The following ATG5 variants were observed in gnomAD, a reference collection of about 807,000 sequenced individuals.
ATG5 encodes autophagy protein 5.
Under a neutral mutation model 36.5 loss-of-function variants are expected in ATG5, and 14 were observed. The observed-to-expected ratio is 0.38, with a 90% CI of 0.25 to 0.60. The LOEUF is 0.60. Among genes scored for constraint, ATG5 ranks in the 20% least tolerant of loss-of-function variants. The pLI, the probability that ATG5 is intolerant of heterozygous loss-of-function variation, is 0.60. For missense variants in ATG5, 195 were observed against 326.7 expected (o/e 0.60, Z 3.11); for synonymous variants, 95 against 101.5 (o/e 0.94, Z 0.38).
chr6:106,307,158 T>G (rs1406604151), intron 3 of ATG5, among the ~76,000 whole-genome samples: 1 of 152,232 alleles, frequency 6.6e-6, no homozygotes, highest in Non-Finnish European at 1.5e-5. Flanking sequence ...AGTCCTTTGA[T>G]TCACATCAGC....
chr6:106,222,383 T>A (rs576764931), intron 6 of ATG5, among the ~76,000 whole-genome samples: 2 of 152,266 alleles, frequency 1.3e-5, no homozygotes, highest in African/African-American at 2.4e-5. Flanking sequence ...CATGTTTTAA[T>A]GTGATCACTA....
intron 2 of ATG5, among the ~76,000 whole-genome samples, chr6:106,312,532 G>A (rs1481106312): frequency 6.6e-6 from 1 of 151,534 alleles, no homozygotes; most frequent in Non-Finnish European, 1.5e-5. Context: ...ACTCCAGGGG[G>A]TAAAAAGTGA....
intron 2 of ATG5, among the ~76,000 whole-genome samples, chr6:106,310,691 C>G (rs192260660): frequency 3.3e-5 from 5 of 152,112 alleles, no homozygotes; most frequent in African/African-American, 1.2e-4. Flanking sequence ...ACGTATTAAA[C>G]AGTAGCTCCC....
chr6:106,251,950 C>G (rs1166402172), intron 5 of ATG5, among the ~76,000 whole-genome samples: 2 of 151,968 alleles, frequency 1.3e-5, no homozygotes, highest in African/African-American at 4.8e-5. Flanking sequence ...AAGAGGTTCT[C>G]CCACCTCAGC....
At chr6:106,297,231 C>T (rs1289754163) in intron 3 of ATG5, among the ~76,000 whole-genome samples, 1 of 152,060 alleles carries the variant, frequency 6.6e-6, no homozygotes, top group East Asian at 1.9e-4. Flanking sequence ...ACTAAAAGAA[C>T]ATGTGACAAT....
Position 106,293,200 on chromosome 6 carries a change from T to C in ATG5, c.237-94A>G, listed in dbSNP as rs901333583. 9.5e-6 allele frequency: 9 copies of C among 947,208 alleles called. No homozygotes were observed. The African/African-American group carries it at 9.9e-5, about 10-fold the overall frequency. The allele number at this position is 947,208 out of a possible 1,614,324, so 58.7% of individuals were successfully genotyped here. On this transcript the variant is annotated intron_variant, in intron 3 of 7. Coordinates refer to ENST00000369076, the MANE Select transcript of ATG5 (RefSeq NM_004849.4). Reference sequence around the variant, plus strand: ...TTCCAACACATATTTTAACACCAAATGTCAGGGGCTTTAATCACAAATCAC... The same window carrying C: ...TTCCAACACATATTTTAACACCAAACGTCAGGGGCTTTAATCACAAATCAC...
intron 5 of ATG5, among the ~76,000 whole-genome samples, chr6:106,269,970 G>C (rs528001730): frequency 4.7e-4 from 72 of 152,334 alleles, no homozygotes; most frequent in Middle Eastern, 3.4e-3. Context: ...CCTCTCATTA[G>C]TATAATCTGT....
chr6:106,220,023 C>CT lies in ATG5; in HGVS notation c.574-17935dup, dbSNP rs529915154. 1.7e-3 allele frequency among the ~76,000 whole-genome samples: 266 copies of CT among 152,144 alleles called. 2 individuals carry two copies. Among genetic ancestry groups the CT allele is most frequent in the African/African-American group, 6.1e-3 (255 of 41,532 alleles). On this transcript the variant is annotated intron_variant, in intron 6 of 7. Coordinates refer to ENST00000369076, the MANE Select transcript of ATG5 (RefSeq NM_004849.4). ...ATTGACCCTCCTTTAAATTGATAGCCTTTTTTTAAAAAGCTAACCATTGAG... is the reference window on the plus strand; with the variant it reads ...ATTGACCCTCCTTTAAATTGATAGCCTTTTTTTTAAAAAGCTAACCATTGAG...
intron 2 of ATG5, among the ~76,000 whole-genome samples, chr6:106,310,728 AACC>A (rs1260572029): frequency 6.6e-6 from 1 of 152,140 alleles, no homozygotes; most frequent in Non-Finnish European, 1.5e-5. Context: ...AGCTCCCAGT[AACC>A]ACCATTTTAC....
At chr6:106,285,084 GCT>G (rs1780025550) in intron 4 of ATG5, among the ~76,000 whole-genome samples, 3 of 152,032 alleles carry the variant, frequency 2.0e-5, no homozygotes, top group Non-Finnish European at 4.4e-5. Flanking sequence ...TATCCCAGAG[GCT>G]CTGTTTTTCC....
Position 106,186,342 on chromosome 6 carries a change from G to GT in ATG5, c.*197dup, listed in dbSNP as rs1412056743. The GT allele has an allele frequency of 1.8e-6, 1 of 550,280 alleles. No individual in the cohort carries two copies. Among genetic ancestry groups the GT allele is most frequent in the Non-Finnish European group, 3.2e-6 (1 of 317,346 alleles). 34.1% of individuals were successfully genotyped at this position (550,280 alleles called of 1,614,324 possible). A position where few individuals can be genotyped will look rare whatever the true frequency, so the allele number is the denominator to read the frequency against. On this transcript the variant is annotated 3_prime_UTR_variant, in exon 8 of 8. Coordinates refer to ENST00000369076, the MANE Select transcript of ATG5 (RefSeq NM_004849.4). ...TCACAGCTGAGGTTTAATGATGGCA[G>GT]TGGAGGAAAGCAGAGGTGATGCAAA...
chr6:106,276,251 T>C (rs941128448), intron 5 of ATG5, among the ~76,000 whole-genome samples: 16 of 151,916 alleles, frequency 1.1e-4, no homozygotes, highest in African/African-American at 3.9e-4. Context: ...GATCACGAGG[T>C]CAGGAGATCG....
intron 6 of ATG5, among the ~76,000 whole-genome samples, chr6:106,221,142 C>A (rs747654513): frequency 2.0e-5 from 3 of 152,140 alleles, no homozygotes; most frequent in Non-Finnish European, 2.9e-5. Flanking sequence ...TATAGGCTAC[C>A]TCTGGCGTAT....
At chr6:106,267,791 GAA>G (rs1779282615) in intron 5 of ATG5, among the ~76,000 whole-genome samples, 1 of 152,144 alleles carries the variant, frequency 6.6e-6, no homozygotes, top group African/African-American at 2.4e-5. Context: ...GCCATATGCA[GAA>G]AACAGGAATT....
chr6:106,279,648 C>A lies in ATG5; in HGVS notation c.478+13G>T. 1 of 1,557,290 alleles carries A rather than the reference C, an allele frequency of 6.4e-7. No homozygotes were observed. Among genetic ancestry groups the A allele is most frequent in the Non-Finnish European group, 8.7e-7 (1 of 1,149,062 alleles). ...TAAAGTGGTATTCTAAAATTAAACA[C>A]TATTATACTTACCATTTTGCAATCC... On this transcript the variant is annotated intron_variant, in intron 5 of 7. Coordinates refer to ENST00000369076, the MANE Select transcript of ATG5 (RefSeq NM_004849.4).
At position 106,203,116 on chromosome 6, in the gene ATG5, A is replaced by T. The variant is rs1426130854; in HGVS notation, c.574-1027T>A. Reference sequence around the variant, plus strand: ...GAGGGTGTATGATTTTAGTAGTTTCATTATTTCAACTTTTCGATAGGTTTC... The same window carrying T: ...GAGGGTGTATGATTTTAGTAGTTTCTTTATTTCAACTTTTCGATAGGTTTC... On this transcript the variant is annotated intron_variant, in intron 6 of 7. Transcript: ENST00000369076. 2.0e-5 allele frequency among the ~76,000 whole-genome samples: 3 copies of T among 152,182 alleles called. No individual in the cohort carries two copies. The South Asian group carries it at 6.2e-4, about 31-fold the overall frequency.
At position 106,191,818 on chromosome 6, in the gene ATG5, C is replaced by T. The variant is rs531690313; in HGVS notation, c.692-5142G>A. Among the ~76,000 whole-genome samples the T allele has an allele frequency of 3.3e-5, 5 of 152,038 alleles. No individual in the cohort carries two copies. In the South Asian group the frequency reaches 8.3e-4, roughly 25 times the overall value. ...TGATTTAGTAACAAAAAGTAAAGAG[C>T]GATTGTAATTCTCTTCCTACACACG... On this transcript the variant is annotated intron_variant, in intron 7 of 7. Transcript: ENST00000369076.
intron 5 of ATG5, among the ~76,000 whole-genome samples, chr6:106,267,324 C>T (rs1024387244): frequency 1.6e-4 from 24 of 152,138 alleles, no homozygotes; most frequent in African/African-American, 5.6e-4. Flanking sequence ...CAAACCACTG[C>T]TCAAGGAAAT....
chr6:106,316,374 CAA>C (rs370558728), intron 1 of ATG5, 108 bp from the exon 2 acceptor site: 209 of 310,110 alleles, frequency 6.7e-4, no homozygotes, highest in South Asian at 1.4e-3. Context: ...TTATCCACTT[CAA>C]AAAAAAAAAA....
Sources: allele counts gnomAD v4.1 joint callset (sites outside exome capture counted in the v4.1 genomes callset), GRCh38; gene constraint gnomAD v4.1.1; transcripts MANE v1.5; gene names NCBI Gene and HGNC (gene_info 2026-07-23, HGNC 2026-07-21).